MTCH2: variants seen among roughly 807,000 people sequenced by gnomAD.
MTCH2 encodes mitochondrial carrier 2, also known as mitochondrial carrier homolog 2.
MTCH2 carries 25 observed loss-of-function variants against 50.6 expected under a neutral mutation model. That is an observed-to-expected ratio of 0.49 (90% CI 0.36 to 0.69). The LOEUF (loss-of-function observed/expected upper bound fraction) is 0.69. MTCH2 is among the 30% of genes least tolerant of loss of function. The probability of loss-of-function intolerance (pLI) is 0.00; values close to 1 mark genes in which losing one functional copy is unlikely to be tolerated. For missense variants in MTCH2, 273 were observed against 384.4 expected (o/e 0.71, Z 2.42); for synonymous variants, 106 against 132.0 (o/e 0.80, Z 1.35).
Position 47,622,551 on chromosome 11 carries a change from C to T in MTCH2, c.825+150G>A, listed in dbSNP as rs111664442. On this transcript the variant is annotated intron_variant, in intron 12 of 12. Coordinates refer to ENST00000302503, the MANE Select transcript of MTCH2 (RefSeq NM_014342.4). ...TATGCCAAAGTGAAAACACAGAACA[C>T]TGTAAAGTGTACATTAACTGGCAGA... The T allele has an allele frequency of 2.3e-3, 1,389 of 614,584 alleles. 4 individuals carry two copies. The highest frequency in any genetic ancestry group is 9.7e-3 in the Middle Eastern group (22 of 2,258). The allele number at this position is 614,584 out of a possible 1,614,324, so 38.1% of individuals were successfully genotyped here. A position where few individuals can be genotyped will look rare whatever the true frequency, so the allele number is the denominator to read the frequency against.
chr11:47,623,867 C>T (rs953206394), intron 11 of MTCH2, among the ~76,000 whole-genome samples: 3 of 152,134 alleles, frequency 2.0e-5, no homozygotes, highest in African/African-American at 7.2e-5. Flanking sequence ...GCCTGGCCAA[C>T]ATGGTGAAAC....
chr11:47,621,537 A>G (rs1300518852), intron 12 of MTCH2, among the ~76,000 whole-genome samples: 1 of 151,708 alleles, frequency 6.6e-6, no homozygotes, highest in Non-Finnish European at 1.5e-5. Context: ...GGTTAAAGCA[A>G]TTCTCTTCCC....
At chr11:47,634,076 T>G (rs1373827038) in intron 5 of MTCH2, among the ~76,000 whole-genome samples, 1 of 152,070 alleles carries the variant, frequency 6.6e-6, no homozygotes, top group Non-Finnish European at 1.5e-5. Flanking sequence ...CTGGTCGCTA[T>G]TTTAATACTT....
chr11:47,611,870 G>A, the MTCH2 span, among the ~76,000 whole-genome samples: 5 of 152,126 alleles, frequency 3.3e-5, no homozygotes, highest in Admixed American at 3.3e-4. Context: ...CAAGAGATTT[G>A]GTGCCCAGAG....
chr11:47,639,486 G>A (rs1480373595), intron 1 of MTCH2, among the ~76,000 whole-genome samples: 1 of 152,252 alleles, frequency 6.6e-6, no homozygotes, highest in African/African-American at 2.4e-5. Flanking sequence ...AAAGGCAAAT[G>A]CAGATATAGC....
chr11:47,615,239 A>G (rs1180256880), downstream of MTCH2, among the ~76,000 whole-genome samples: 5 of 152,010 alleles, frequency 3.3e-5, no homozygotes, highest in Admixed American at 2.6e-4. Flanking sequence ...AGGTCTCACT[A>G]TATTATCCAA....
At chr11:47,620,496 C>CA (rs141524499) in intron 12 of MTCH2, among the ~76,000 whole-genome samples, 2 of 151,094 alleles carry the variant, frequency 1.3e-5, no homozygotes, top group Non-Finnish European at 1.5e-5. Flanking sequence ...CAAAACAAAA[C>CA]AAAAAAATTA....
At position 47,624,262 on chromosome 11, in the gene MTCH2, C is replaced by T. The variant is rs527290538; in HGVS notation, c.749+1412G>A. ...AAAAAAAAAAAAGGCAAAATTTTGC[C>T]CAACTCAGTAGAGTCACTTGGCATC... On this transcript the variant is annotated intron_variant, in intron 11 of 12. Transcript: ENST00000302503. Among the ~76,000 whole-genome samples, 140 of 150,912 alleles carry T rather than the reference C, an allele frequency of 9.3e-4. No individual in the cohort carries two copies. The South Asian group carries it at 0.012, about 13-fold the overall frequency.
At chr11:47,634,525 T>C (rs1188138732) in intron 5 of MTCH2, 147 bp downstream of exon 5, 2 of 585,980 alleles carry the variant, frequency 3.4e-6, no homozygotes, top group African/African-American at 1.9e-5. Flanking sequence ...TTTAATGTTA[T>C]ACATGTAGTA....
At chr11:47,617,003 AC>A (rs1375975793), downstream of MTCH2, among the ~76,000 whole-genome samples, 1 of 151,914 alleles carries the variant, frequency 6.6e-6, no homozygotes, top group Non-Finnish European at 1.5e-5. Context: ...TCTTAATGGC[AC>A]CTACCTGCAT....
intron 4 of MTCH2, among the ~76,000 whole-genome samples, 171 bp from the exon 5 acceptor site, chr11:47,634,905 T>C (rs990659293): frequency 6.6e-5 from 10 of 151,552 alleles, no homozygotes; most frequent in African/African-American, 2.4e-4. Flanking sequence ...CCCAAGTAGC[T>C]AGGATTACAG....
rs545061915 is a variant in MTCH2 at position 47,633,757 on chromosome 11, C to G, written c.369+915G>C. ...TCTCCATGTTGGTCAGGCTGGTCTC[C>G]AACTCCCAACCTCAGGTGATCCGCC... is the stretch of plus-strand genomic sequence containing the variant. On this transcript the variant is annotated intron_variant, in intron 5 of 12. Transcript: ENST00000302503. Among the ~76,000 whole-genome samples the G allele has an allele frequency of 1.9e-3, 289 of 148,488 alleles. 1 individual carries two copies. Among genetic ancestry groups the G allele is most frequent in the Middle Eastern group, 0.014 (4 of 282 alleles).
the MTCH2 span, among the ~76,000 whole-genome samples, chr11:47,606,520 C>G: frequency 6.6e-6 from 1 of 152,204 alleles, no homozygotes; most frequent in South Asian, 2.1e-4. Flanking sequence ...TTCTTTGGCT[C>G]TCCTTTTCTC....
rs781072559 is a variant in MTCH2, at chr11:47,642,367, G to C, written c.87+12C>G. On this transcript the variant is annotated intron_variant, in intron 1 of 12. Transcript: ENST00000302503. ...GGCGCCGGGCGGGGTAGGGAGCGGC[G>C]ACGCCTCATACCTGGATGAGCACTT... The C allele has an allele frequency of 2.8e-6, 4 of 1,405,754 alleles. No individual in the cohort carries two copies. The African/African-American group carries it at 9.8e-5, about 34-fold the overall frequency. The allele number at this position is 1,405,754 out of a possible 1,614,324, so 87.1% of individuals were successfully genotyped here. A position where few individuals can be genotyped will look rare whatever the true frequency, so the allele number is the denominator to read the frequency against.
downstream of MTCH2, among the ~76,000 whole-genome samples, chr11:47,615,165 G>C (rs989652159): frequency 6.7e-6 from 1 of 149,158 alleles, no homozygotes; most frequent in African/African-American, 2.5e-5. Flanking sequence ...AGCCTCCTGT[G>C]TAGCTGGCAC....
chr11:47,604,564 T>C, the MTCH2 span, among the ~76,000 whole-genome samples: 3 of 152,200 alleles, frequency 2.0e-5, no homozygotes, highest in Non-Finnish European at 4.4e-5. Flanking sequence ...TGGCTTGTAA[T>C]AGCAAACAGT....
Position 47,618,477 on chromosome 11 carries a change from C to T in MTCH2, c.*356G>A. ...TTTGTTAAGTTTTACAAAATTATTTCTCATTTTTCTTGGAATTCTACTCTT... is the reference window on the plus strand; with the variant it reads ...TTTGTTAAGTTTTACAAAATTATTTTTCATTTTTCTTGGAATTCTACTCTT... On this transcript the variant is annotated 3_prime_UTR_variant, in exon 13 of 13. Coordinates refer to ENST00000302503, the MANE Select transcript of MTCH2 (RefSeq NM_014342.4). 1 of 250,662 alleles carries T rather than the reference C, an allele frequency of 4.0e-6. No individual in the cohort carries two copies. The highest frequency in any genetic ancestry group is 7.7e-6 in the Non-Finnish European group (1 of 130,252). 15.5% of individuals were successfully genotyped at this position (250,662 alleles called of 1,614,324 possible). A position where few individuals can be genotyped will look rare whatever the true frequency, so the allele number is the denominator to read the frequency against.
chr11:47,623,808 T>G (rs962310207), intron 11 of MTCH2, among the ~76,000 whole-genome samples: 21 of 152,142 alleles, frequency 1.4e-4, no homozygotes, highest in African/African-American at 4.8e-4. Flanking sequence ...TCCCAGCACT[T>G]TAGGAGGTCG....
rs80355519 is a variant in MTCH2 at position 47,618,738 on chromosome 11, A to T, written c.*95T>A. On this transcript the variant is annotated 3_prime_UTR_variant, in exon 13 of 13. Transcript: ENST00000302503. ...ATTTTCCCAAGATTAAATGATTATT[A>T]AAAAAGCGCGCCACACTGTATAGAA... 18 of 811,538 alleles carry T rather than the reference A, an allele frequency of 2.2e-5. No homozygotes were observed. In the Admixed American group the frequency reaches 5.8e-4, roughly 26 times the overall value. 50.3% of individuals were successfully genotyped at this position (811,538 alleles called of 1,614,324 possible).
Sources: gnomAD v4.1 joint callset for allele counts (sites outside exome capture counted in the v4.1 genomes callset) on GRCh38, gnomAD v4.1.1 for gene constraint, MANE v1.5 for transcripts, NCBI Gene and HGNC (gene_info 2026-07-23, HGNC 2026-07-21) for gene names.